SART3: variants seen among roughly 807,000 people sequenced by gnomAD.
SART3 encodes the protein HIV-1 Tat-interacting protein of 110kDa.
Under a neutral mutation model 122.3 loss-of-function variants are expected in SART3, and 44 were observed. That is an observed-to-expected ratio of 0.36 (90% confidence interval 0.28 to 0.46). The LOEUF is 0.46. SART3 is among the 20% of genes least tolerant of loss of function. The pLI is 1.00. For missense variants in SART3, 1,101 were observed against 1,229.0 expected (o/e 0.90, Z 1.56); for synonymous variants, 442 against 454.0 (o/e 0.97, Z 0.34).
chr12:108,545,967 C>CCAA (rs1555205882), intron 3 of SART3, among the ~76,000 whole-genome samples: 2 of 108,958 alleles, frequency 1.8e-5, no homozygotes, highest in Non-Finnish European at 1.8e-5. Context: ...GACTCTCTCT[C>CCAA]AAAAAAAAAA....
chr12:108,556,189 T>C (rs2030213693), intron 1 of SART3, among the ~76,000 whole-genome samples: 1 of 152,012 alleles, frequency 6.6e-6, no homozygotes, highest in Non-Finnish European at 1.5e-5. Context: ...ATTCCCAGGC[T>C]CAAGTGATCC....
At chr12:108,543,000 G>C (rs751322025) in intron 6 of SART3, 28 bp downstream of exon 6, 1 of 1,613,930 alleles carries the variant, frequency 6.2e-7, no homozygotes, top group Admixed American at 1.7e-5. Flanking sequence ...GTAGAGAGAC[G>C]TTTACTATAA....
In SART3 at chr12:108,560,395, G is replaced by A. The variant is rs2030455995; in HGVS notation, c.312+448C>T. The A allele has an allele frequency of 1.7e-5, 4 of 234,406 alleles. No individual in the cohort carries two copies. In the Admixed American group the frequency reaches 1.7e-4, roughly 10 times the overall value. 14.5% of individuals were successfully genotyped at this position (234,406 alleles called of 1,614,324 possible). ...TTCCATTTCTATTATCACCATCGCG[G>A]TCAATATTTTTCTTACCACAAGTTT... On this transcript the variant is annotated intron_variant, in intron 1 of 18. Coordinates refer to ENST00000546815, the MANE Select transcript of SART3 (RefSeq NM_014706.4).
At chr12:108,535,295 C>T in intron 12 of SART3, 64 bp downstream of exon 12, 1 of 1,302,884 alleles carries the variant, frequency 7.7e-7, no homozygotes, top group East Asian at 2.3e-5. Flanking sequence ...AGGAGTCAGC[C>T]AGGAGTGAAG....
intron 1 of SART3, among the ~76,000 whole-genome samples, chr12:108,553,571 G>A (rs898178461): frequency 6.6e-6 from 1 of 152,072 alleles, no homozygotes; most frequent in African/African-American, 2.4e-5. Flanking sequence ...AGAGATAAAA[G>A]ATTACCTACA....
At chr12:108,542,987 T>G in intron 6 of SART3, 41 bp downstream of exon 6, 1 of 1,613,810 alleles carries the variant, frequency 6.2e-7, no homozygotes, top group East Asian at 2.2e-5. Context: ...CAGGGAAAGG[T>G]TTGTAGAGAG....
intron 18 of SART3, chr12:108,523,993 C>T: frequency 1.8e-6 from 1 of 548,440 alleles, no homozygotes; most frequent in South Asian, 2.1e-5. Context: ...CGTAGACTGG[C>T]ACACACATGG....
At chr12:108,559,406 C>CT (rs1022117541) in intron 1 of SART3, among the ~76,000 whole-genome samples, 1 of 152,198 alleles carries the variant, frequency 6.6e-6, no homozygotes, top group African/African-American at 2.4e-5. Flanking sequence ...CGGCTCACAC[C>CT]TGTAATCTCA....
intron 1 of SART3, chr12:108,560,161 A>G (rs1315795771): frequency 1.3e-5 from 2 of 152,268 alleles, no homozygotes; most frequent in African/African-American, 4.8e-5. Context: ...TCACCACCTC[A>G]TAAGGTTACA....
Position 108,561,094 on chromosome 12 carries a change from T to G in SART3, c.61A>C (p.Lys21Gln). 6.2e-7 allele frequency: 1 copy of G among 1,614,142 alleles called. No homozygotes were observed. Among genetic ancestry groups the G allele is most frequent in the South Asian group, 1.1e-5 (1 of 91,088 alleles). ...ACCTCATCCTCCTCTCCGTCAGCCTTGGGCCCAGCCTTGGACTCAGCCTCG... is the reference window on the plus strand; with the variant it reads ...ACCTCATCCTCCTCTCCGTCAGCCTGGGGCCCAGCCTTGGACTCAGCCTCG... ...EPEAESKAGP[K>Q]ADGEEDEVKA... Residue 21 changes from lysine (K) to glutamine (Q), a missense_variant, in exon 1 of 19, where the codon AAG becomes CAG. Around this residue, in one of 2 missense-constraint regions of SART3, gnomAD observed 216 missense variants for 148.9 expected, o/e 1.45. Coordinates refer to ENST00000546815, the MANE Select transcript of SART3 (RefSeq NM_014706.4).
intron 1 of SART3, among the ~76,000 whole-genome samples, chr12:108,556,367 G>GA (rs2030218542): frequency 6.6e-6 from 1 of 152,198 alleles, no homozygotes; most frequent in Non-Finnish European, 1.5e-5. Context: ...CAAAATGCTA[G>GA]GACTACAGGT....
chr12:108,560,784 C>T (rs1457388101), intron 1 of SART3, 59 bp downstream of exon 1: 5 of 1,487,954 alleles, frequency 3.4e-6, no homozygotes, highest in Non-Finnish European at 2.7e-6. Flanking sequence ...CGGGCCAGGA[C>T]ATGGGGACCC....
At chr12:108,540,490 G>A (rs1873110607) in intron 6 of SART3, among the ~76,000 whole-genome samples, 1 of 151,870 alleles carries the variant, frequency 6.6e-6, no homozygotes, top group Non-Finnish European at 1.5e-5. Context: ...CAAGATATAA[G>A]TAGCAGAAAC....
At position 108,523,625 on chromosome 12, in the gene SART3, C is replaced by A; in HGVS notation, c.2724G>T (p.Lys908Asn). ...LLPQTYGARG[K>N]GRTQLSLLPR... is the part of the protein sequence containing the mutation. ...GCAGTAGAGACAGCTGCGTCCTTCC[C>A]TTCCCCCTCCTAAAAGAGCAAACAC... The change falls in exon 19 of 19, where the codon AAG becomes AAT. Residue 908 changes from lysine to asparagine, a missense_variant. Coordinates refer to ENST00000546815, the MANE Select transcript of SART3 (RefSeq NM_014706.4). 6.2e-7 allele frequency: 1 copy of A among 1,614,100 alleles called. No homozygotes were observed. The highest frequency in any genetic ancestry group is 8.5e-7 in the Non-Finnish European group (1 of 1,179,992).
chr12:108,545,456 G>A, intron 3 of SART3, 133 bp from the exon 4 acceptor site: 6 of 789,250 alleles, frequency 7.6e-6, no homozygotes, highest in Non-Finnish European at 1.3e-5. Flanking sequence ...AGGCCTAACA[G>A]CAGAGATGAC....
intron 14 of SART3, among the ~76,000 whole-genome samples, chr12:108,530,693 A>T (rs1221071083): frequency 6.6e-6 from 1 of 151,900 alleles, no homozygotes; most frequent in Non-Finnish European, 1.5e-5. Flanking sequence ...CATCTCTACT[A>T]AAAAAATACA....
At chr12:108,537,989 T>G in intron 8 of SART3, 76 bp downstream of exon 8, 7 of 1,587,920 alleles carry the variant, frequency 4.4e-6, no homozygotes, top group Non-Finnish European at 6.1e-6. Flanking sequence ...AACACTGATG[T>G]AATGACTTTG....
chr12:108,526,046 G>A, intron 16 of SART3, 53 bp downstream of exon 16: 2 of 1,372,822 alleles, frequency 1.5e-6, no homozygotes, highest in South Asian at 1.2e-5. Flanking sequence ...GGAAGAAAGT[G>A]CCTGTCTAAA....
chr12:108,560,166 G>A (rs903876846), intron 1 of SART3: 1 of 152,220 alleles, frequency 6.6e-6, no homozygotes, highest in Non-Finnish European at 1.5e-5. Context: ...ACCTCATAAG[G>A]TTACAAGTGA....
Sources: allele counts gnomAD v4.1 joint callset (sites outside exome capture counted in the v4.1 genomes callset), GRCh38; gene constraint gnomAD v4.1.1; regional missense constraint gnomAD v4.1.1; transcripts MANE v1.5; gene names NCBI Gene and HGNC (gene_info 2026-07-23, HGNC 2026-07-21).